Variants in SNTG1 observed in about 807,000 individuals in gnomAD.
SNTG1 encodes syntrophin gamma 1.
SNTG1 carries 39 observed loss-of-function variants against 74.7 expected under a neutral mutation model. The ratio of observed to expected loss-of-function variants is 0.52; its 90% confidence interval spans 0.40 to 0.68. The LOEUF is 0.68. Ranked by LOEUF, SNTG1 falls within the 30% of genes least tolerant of loss-of-function variation. The pLI, the probability that SNTG1 is intolerant of heterozygous loss-of-function variation, is 0.00. For missense variants in SNTG1, 685 were observed against 609.5 expected (o/e 1.12, Z -1.30); for synonymous variants, 254 against 217.1 (o/e 1.17, Z -1.49).
At chr8:50,739,060 A>G (rs1305551878) in intron 17 of SNTG1, among the ~76,000 whole-genome samples, 1 of 152,176 alleles carries the variant, frequency 6.6e-6, no homozygotes, top group East Asian at 1.9e-4. Flanking sequence ...AAAATTGACA[A>G]ATGGGATCTT....
At chr8:50,468,104 T>C (rs1336012776) in intron 8 of SNTG1, among the ~76,000 whole-genome samples, 1 of 151,956 alleles carries the variant, frequency 6.6e-6, no homozygotes, top group African/African-American at 2.4e-5. Context: ...AAAAAGTATA[T>C]GTTTTGCTAC....
chr8:50,796,450 T>A lies in SNTG1; in HGVS notation c.*3621T>A, dbSNP rs1242419053. 1.3e-5 allele frequency: 2 copies of A among 151,844 alleles called. No homozygotes were observed. 9.4% of individuals were successfully genotyped at this position (151,844 alleles called of 1,614,324 possible). Reference sequence around the variant, plus strand: ...GCACATTTGAATTTGCTTTTGAAAATAAAATATTATAAATGTTATATATTT... The same window carrying A: ...GCACATTTGAATTTGCTTTTGAAAAAAAAATATTATAAATGTTATATATTT... On this transcript the variant is annotated 3_prime_UTR_variant, in exon 19 of 19. Coordinates refer to ENST00000642720, the MANE Select transcript of SNTG1 (RefSeq NM_018967.5).
chr8:50,487,022 G>T (rs574689981), intron 8 of SNTG1, among the ~76,000 whole-genome samples: 1 of 152,288 alleles, frequency 6.6e-6, no homozygotes, highest in East Asian at 1.9e-4. Context: ...TGGTGGATAA[G>T]CTTTTTGATG....
intron 2 of SNTG1, among the ~76,000 whole-genome samples, chr8:50,263,023 T>G (rs1304700548): frequency 1.3e-5 from 2 of 152,186 alleles, no homozygotes; most frequent in Non-Finnish European, 1.5e-5. Context: ...TTTAGCAGTC[T>G]ATTTTATAAT....
At chr8:50,135,889 C>G (rs2081457365) in intron 1 of SNTG1, among the ~76,000 whole-genome samples, 2 of 151,998 alleles carry the variant, frequency 1.3e-5, no homozygotes, top group Admixed American at 6.6e-5. Flanking sequence ...GTTTTTTGAT[C>G]CTCACCCTCC....
At chr8:50,493,723 A>C (rs2093878982) in intron 8 of SNTG1, among the ~76,000 whole-genome samples, 1 of 150,854 alleles carries the variant, frequency 6.6e-6, no homozygotes, top group Admixed American at 6.6e-5. Flanking sequence ...TGTACATGGA[A>C]ATTTTCTATT....
intron 2 of SNTG1, among the ~76,000 whole-genome samples, chr8:50,251,287 G>C (rs138752014): frequency 2.8e-4 from 42 of 151,938 alleles, no homozygotes; most frequent in African/African-American, 9.9e-4. Flanking sequence ...CACCAAACCA[G>C]AGAGGTAAAC....
intron 1 of SNTG1, among the ~76,000 whole-genome samples, chr8:50,051,075 A>G (rs1002689896): frequency 6.6e-6 from 1 of 152,088 alleles, no homozygotes; most frequent in Non-Finnish European, 1.5e-5. Context: ...TCCCCCTAAG[A>G]CTGGGAACAA....
chr8:50,435,468 C>T (rs898157996), intron 4 of SNTG1, among the ~76,000 whole-genome samples: 3 of 152,000 alleles, frequency 2.0e-5, no homozygotes, highest in Non-Finnish European at 4.4e-5. Flanking sequence ...TTCATTTCTT[C>T]TTTTTATTAC....
intron 18 of SNTG1, among the ~76,000 whole-genome samples, chr8:50,792,187 G>A (rs1270623428): frequency 6.6e-6 from 1 of 151,250 alleles, no homozygotes; most frequent in East Asian, 1.9e-4. Context: ...GGCTCCTCTG[G>A]TTATAAGAGT....
intron 9 of SNTG1, among the ~76,000 whole-genome samples, chr8:50,518,917 C>T (rs941904512): frequency 6.6e-6 from 1 of 152,150 alleles, no homozygotes; most frequent in Non-Finnish European, 1.5e-5. Flanking sequence ...CTATTCCAAA[C>T]CATTGAAAAA....
chr8:50,100,697 T>G (rs1326527027), intron 1 of SNTG1, among the ~76,000 whole-genome samples: 1 of 152,180 alleles, frequency 6.6e-6, no homozygotes, highest in African/African-American at 2.4e-5. Flanking sequence ...AGATTTTTCT[T>G]CATAAACAGT....
chr8:50,648,607 C>T (rs1009629733), intron 13 of SNTG1, among the ~76,000 whole-genome samples: 1 of 152,088 alleles, frequency 6.6e-6, no homozygotes. Flanking sequence ...ACTTACAAAA[C>T]TCTACATTAT....
At chr8:50,145,786 C>T (rs1272719338) in intron 1 of SNTG1, among the ~76,000 whole-genome samples, 2 of 151,750 alleles carry the variant, frequency 1.3e-5, no homozygotes, top group African/African-American at 4.8e-5. Flanking sequence ...TAGAAAGTAG[C>T]AGTTTACATA....
chr8:50,531,516 G>A (rs1022866540), intron 10 of SNTG1, among the ~76,000 whole-genome samples: 2 of 151,968 alleles, frequency 1.3e-5, no homozygotes, highest in African/African-American at 2.4e-5. Flanking sequence ...CTTCCCTCCC[G>A]ATCCAGATGC....
chr8:49,933,656 A>C (rs762577061), intron 1 of SNTG1, among the ~76,000 whole-genome samples: 5 of 152,198 alleles, frequency 3.3e-5, no homozygotes, highest in Non-Finnish European at 2.9e-5. Flanking sequence ...TCAATTTGCT[A>C]TAAATGTAAG....
At chr8:50,575,315 A>G (rs1462657188) in intron 12 of SNTG1, among the ~76,000 whole-genome samples, 2 of 152,198 alleles carry the variant, frequency 1.3e-5, no homozygotes, top group Non-Finnish European at 2.9e-5. Context: ...TACTGAAATG[A>G]CCTTCTTTGA....
intron 2 of SNTG1, among the ~76,000 whole-genome samples, chr8:50,283,338 A>G (rs1157961195): frequency 1.3e-5 from 2 of 152,180 alleles, no homozygotes; most frequent in South Asian, 2.1e-4. Flanking sequence ...TTTTCCAAGA[A>G]TTTCCTTAAA....
chr8:50,210,216 T>C (rs562738295), intron 2 of SNTG1, among the ~76,000 whole-genome samples: 2 of 152,084 alleles, frequency 1.3e-5, no homozygotes, highest in East Asian at 3.9e-4. Flanking sequence ...CTCCAAGAAA[T>C]ATGGGACTAT....
Sources: allele counts gnomAD v4.1 joint callset (sites outside exome capture counted in the v4.1 genomes callset), GRCh38; gene constraint gnomAD v4.1.1; transcripts MANE v1.5; gene names NCBI Gene and HGNC (gene_info 2026-07-23, HGNC 2026-07-21).